The following GUCY1A2 variants were observed in gnomAD, a reference collection of about 807,000 sequenced individuals.
GUCY1A2 encodes guanylate cyclase soluble subunit alpha-2.
In GUCY1A2, 27 loss-of-function variants were observed where a neutral mutation model predicts 63.5. The ratio of observed to expected loss-of-function variants is 0.43; its 90% CI spans 0.31 to 0.59. GUCY1A2 has a LOEUF of 0.59. Among genes scored for constraint, GUCY1A2 ranks in the 20% least tolerant of loss-of-function variants. The probability of loss-of-function intolerance (pLI) is 0.11; values close to 1 mark genes in which losing one functional copy is unlikely to be tolerated. For missense variants in GUCY1A2, 768 were observed against 913.3 expected (o/e 0.84, Z 2.05); for synonymous variants, 364 against 343.5 (o/e 1.06, Z -0.66).
intron 4 of GUCY1A2, among the ~76,000 whole-genome samples, chr11:106,920,798 T>C (rs1268149014): frequency 2.0e-5 from 3 of 152,076 alleles, no homozygotes; most frequent in African/African-American, 7.2e-5. Context: ...AGTAACAAAA[T>C]CATATTTCCT....
chr11:106,828,459 T>C (rs1388360764), intron 4 of GUCY1A2, among the ~76,000 whole-genome samples: 1 of 152,232 alleles, frequency 6.6e-6, no homozygotes, highest in East Asian at 1.9e-4. Flanking sequence ...TAGGGTGTCC[T>C]TTCCCTATTG....
At chr11:106,869,416 AAAAC>A (rs1416584402) in intron 4 of GUCY1A2, among the ~76,000 whole-genome samples, 81 of 152,322 alleles carry the variant, frequency 5.3e-4, no homozygotes, top group African/African-American at 1.8e-3. Context: ...TTACAAGAAA[AAAAC>A]AAACAACCCC....
rs532983536 is a variant in GUCY1A2, at chr11:106,682,842, G to A, written c.*4707C>T. The A allele has an allele frequency of 4.6e-6, 1 of 215,348 alleles. No homozygotes were observed. Among genetic ancestry groups the A allele is most frequent in the African/African-American group, 2.2e-5 (1 of 44,476 alleles). The allele number at this position is 215,348 out of a possible 1,614,324, so 13.3% of individuals were successfully genotyped here. Reference sequence around the variant, plus strand: ...AGGAACAAAGGAAGGAAGAAAACAAGGGATGGAAGAACAGTCATACGCAGG... The same window carrying A: ...AGGAACAAAGGAAGGAAGAAAACAAAGGATGGAAGAACAGTCATACGCAGG... On this transcript the variant is annotated 3_prime_UTR_variant, in exon 8 of 8. Transcript: ENST00000526355.
At chr11:106,904,452 A>C (rs895422451) in intron 4 of GUCY1A2, among the ~76,000 whole-genome samples, 1 of 152,276 alleles carries the variant, frequency 6.6e-6, no homozygotes, top group East Asian at 1.9e-4. Context: ...TGTCTCAGTA[A>C]CTCAGAAGTT....
intron 4 of GUCY1A2, among the ~76,000 whole-genome samples, chr11:106,838,350 T>C (rs770186745): frequency 6.6e-6 from 1 of 151,982 alleles, no homozygotes; most frequent in Non-Finnish European, 1.5e-5. Flanking sequence ...CAGTGAATAT[T>C]TGTAGAGTCA....
At chr11:106,843,253 A>T (rs1859225141) in intron 4 of GUCY1A2, among the ~76,000 whole-genome samples, 1 of 151,864 alleles carries the variant, frequency 6.6e-6, no homozygotes, top group Non-Finnish European at 1.5e-5. Context: ...AATAAAACAA[A>T]ATGATACATT....
chr11:106,749,710 C>T (rs1414010122), intron 6 of GUCY1A2, among the ~76,000 whole-genome samples: 5 of 152,096 alleles, frequency 3.3e-5, no homozygotes, highest in African/African-American at 4.8e-5. Flanking sequence ...GTCCACATTG[C>T]TCACAGAGGC....
intron 4 of GUCY1A2, among the ~76,000 whole-genome samples, chr11:106,843,411 T>TA (rs1555039326): frequency 3.3e-5 from 5 of 150,752 alleles, no homozygotes; most frequent in Non-Finnish European, 7.4e-5. Context: ...CCTATTGAAA[T>TA]AAAAAAAATT....
chr11:106,748,996 G>A (rs1389191280), intron 6 of GUCY1A2, among the ~76,000 whole-genome samples: 1 of 152,006 alleles, frequency 6.6e-6, no homozygotes, highest in Non-Finnish European at 1.5e-5. Flanking sequence ...GGATAATGAT[G>A]GGCTCACATA....
chr11:106,704,882 T>C (rs1862881148), intron 7 of GUCY1A2, among the ~76,000 whole-genome samples: 1 of 150,284 alleles, frequency 6.7e-6, no homozygotes, highest in African/African-American at 2.4e-5. Context: ...AATATTAGTA[T>C]ATATGATATA....
intron 7 of GUCY1A2, among the ~76,000 whole-genome samples, chr11:106,688,029 A>C (rs1862559402): frequency 6.6e-6 from 1 of 152,214 alleles, no homozygotes; most frequent in African/African-American, 2.4e-5. Flanking sequence ...TCTAAACAGC[A>C]TTCCTTGAAA....
chr11:106,743,555 T>C (rs1374968775), intron 6 of GUCY1A2, among the ~76,000 whole-genome samples: 2 of 152,204 alleles, frequency 1.3e-5, no homozygotes, highest in African/African-American at 2.4e-5. Context: ...TTACCCTCCA[T>C]TGACTTTGTA....
intron 4 of GUCY1A2, among the ~76,000 whole-genome samples, chr11:106,914,233 G>A (rs2119877582): frequency 6.6e-6 from 1 of 152,144 alleles, no homozygotes; most frequent in Admixed American, 6.6e-5. Flanking sequence ...TTTTCACTGA[G>A]TGACATGCCC....
chr11:106,911,517 C>T (rs796553657), intron 4 of GUCY1A2, among the ~76,000 whole-genome samples: 3 of 152,106 alleles, frequency 2.0e-5, no homozygotes, highest in African/African-American at 7.2e-5. Context: ...AGTTAAAGCA[C>T]AGGATTTAGG....
At chr11:106,738,090 A>C (rs1863622934) in intron 6 of GUCY1A2, among the ~76,000 whole-genome samples, 1 of 152,162 alleles carries the variant, frequency 6.6e-6, no homozygotes, top group South Asian at 2.1e-4. Context: ...TCACCATTCT[A>C]ACTGGTGTGA....
intron 6 of GUCY1A2, among the ~76,000 whole-genome samples, chr11:106,772,291 A>G (rs1387004811): frequency 6.6e-6 from 1 of 152,174 alleles, no homozygotes; most frequent in Non-Finnish European, 1.5e-5. Context: ...TTGCTATTAT[A>G]ATAACTTGTA....
At position 106,679,574 on chromosome 11, in the gene GUCY1A2, A is replaced by T. The variant is rs144689552; in HGVS notation, c.*7975T>A. 3 of 204,986 alleles carry T rather than the reference A, an allele frequency of 1.5e-5. No individual in the cohort carries two copies. The highest frequency in any genetic ancestry group is 6.8e-5 in the African/African-American group (3 of 43,834). 12.7% of individuals were successfully genotyped at this position (204,986 alleles called of 1,614,324 possible). On this transcript the variant is annotated 3_prime_UTR_variant, in exon 8 of 8. Transcript: ENST00000526355. ...ATTTATTTAATGTCAGAACAACAAC[A>T]AATGTTTTTAAATGATTCATAAGAC...
At position 106,685,408 on chromosome 11, in the gene GUCY1A2, TTAGAG is replaced by T; in HGVS notation, c.*2136_*2140del. The T allele has an allele frequency of 9.2e-6, 2 of 218,068 alleles. No homozygotes were observed. Among genetic ancestry groups the T allele is most frequent in the Non-Finnish European group, 1.8e-5 (2 of 108,596 alleles). The allele number at this position is 218,068 out of a possible 1,614,324, so 13.5% of individuals were successfully genotyped here. A position where few individuals can be genotyped will look rare whatever the true frequency, so the allele number is the denominator to read the frequency against. ...AAGTATGGAGATAATAAATATGTGT[TTAGAG>T]TAGTTGCTTAGACAAATCTTTATAA... On this transcript the variant is annotated 3_prime_UTR_variant, in exon 8 of 8. Transcript: ENST00000526355.
rs1335337632 is a variant in GUCY1A2, at chr11:106,681,535, T to C, written c.*6014A>G. Reference sequence around the variant, plus strand: ...ATTTTTATAGCCATGTTTAAAATTATGCACCAGAAATAATCTGATGTATAT... The same window carrying C: ...ATTTTTATAGCCATGTTTAAAATTACGCACCAGAAATAATCTGATGTATAT... On this transcript the variant is annotated 3_prime_UTR_variant, in exon 8 of 8. Transcript: ENST00000526355. The C allele has an allele frequency of 9.0e-6, 2 of 221,160 alleles. No individual in the cohort carries two copies. Among genetic ancestry groups the C allele is most frequent in the Non-Finnish European group, 1.8e-5 (2 of 110,500 alleles). 13.7% of individuals were successfully genotyped at this position (221,160 alleles called of 1,614,324 possible).
Sources: gnomAD v4.1 joint callset for allele counts (sites outside exome capture counted in the v4.1 genomes callset) on GRCh38, gnomAD v4.1.1 for gene constraint, MANE v1.5 for transcripts, NCBI Gene and HGNC (gene_info 2026-07-23, HGNC 2026-07-21) for gene names.